LRRC4C: variants seen among roughly 807,000 people sequenced by gnomAD.
LRRC4C encodes leucine rich repeat containing 4C.
In LRRC4C, 5 loss-of-function variants were observed where a neutral mutation model predicts 33.6. The ratio of observed to expected loss-of-function variants is 0.15; its 90% CI spans 0.08 to 0.31. The LOEUF is 0.31. Ranked by LOEUF, LRRC4C falls within the 10% of genes least tolerant of loss-of-function variation. LRRC4C has a pLI of 1.00. For missense variants in LRRC4C, 560 were observed against 796.7 expected (o/e 0.70, Z 3.58); for synonymous variants, 329 against 302.0 (o/e 1.09, Z -0.93).
chr11:40,877,946 C>A (rs1954987049), intron 2 of LRRC4C, among the ~76,000 whole-genome samples: 1 of 152,074 alleles, frequency 6.6e-6, no homozygotes, highest in Admixed American at 6.6e-5. Context: ...TTTAAGTAGG[C>A]CTCTTGGTAT....
At chr11:40,699,136 CG>C (rs1945734852) in intron 2 of LRRC4C, among the ~76,000 whole-genome samples, 1 of 152,130 alleles carries the variant, frequency 6.6e-6, no homozygotes, top group East Asian at 1.9e-4. Flanking sequence ...TACCTAAATC[CG>C]TTCATTACAA....
At chr11:41,352,582 C>T (rs945671546) in intron 1 of LRRC4C, among the ~76,000 whole-genome samples, 1 of 152,092 alleles carries the variant, frequency 6.6e-6, no homozygotes. Context: ...TTCTAATCTT[C>T]CCATGGCATA....
chr11:40,903,108 C>A (rs557939675), intron 2 of LRRC4C, among the ~76,000 whole-genome samples: 1 of 152,228 alleles, frequency 6.6e-6, no homozygotes, highest in Non-Finnish European at 1.5e-5. Flanking sequence ...GACTGACTCT[C>A]TTGTAACAGG....
chr11:40,133,593 A>G (rs1856791160), intron 6 of LRRC4C, among the ~76,000 whole-genome samples: 1 of 152,196 alleles, frequency 6.6e-6, no homozygotes, highest in Admixed American at 6.5e-5. Context: ...AGGGAACTCC[A>G]ATTCAGTAAC....
At chr11:41,124,178 CAT>C (rs1942621691) in intron 1 of LRRC4C, among the ~76,000 whole-genome samples, 1 of 152,158 alleles carries the variant, frequency 6.6e-6, no homozygotes, top group African/African-American at 2.4e-5. Flanking sequence ...TGCTTGAACA[CAT>C]GTTATTTTAC....
intron 5 of LRRC4C, among the ~76,000 whole-genome samples, chr11:40,147,344 A>C (rs1423453773): frequency 6.6e-6 from 1 of 151,992 alleles, no homozygotes; most frequent in Non-Finnish European, 1.5e-5. Flanking sequence ...TTTATTTCAG[A>C]TCTCTTACAG....
At chr11:40,518,589 A>G (rs1418905551) in intron 3 of LRRC4C, among the ~76,000 whole-genome samples, 1 of 152,246 alleles carries the variant, frequency 6.6e-6, no homozygotes, top group Admixed American at 6.5e-5. Flanking sequence ...AATCATTAAA[A>G]TGTCAGGAAA....
intron 2 of LRRC4C, among the ~76,000 whole-genome samples, chr11:40,887,208 T>A (rs796745627): frequency 6.6e-6 from 1 of 150,608 alleles, no homozygotes. Context: ...CTAATACACA[T>A]AAAAAAAAGA....
chr11:41,289,016 G>T (rs1949916636), intron 1 of LRRC4C, among the ~76,000 whole-genome samples: 3 of 151,762 alleles, frequency 2.0e-5, no homozygotes, highest in Non-Finnish European at 2.9e-5. Context: ...GATCATAATT[G>T]TACCTGCAAA....
At chr11:40,351,919 T>A (rs1203216158) in intron 3 of LRRC4C, among the ~76,000 whole-genome samples, 1 of 152,082 alleles carries the variant, frequency 6.6e-6, no homozygotes, top group Non-Finnish European at 1.5e-5. Flanking sequence ...CCTTTATAGA[T>A]GTTACAGGTG....
intron 1 of LRRC4C, among the ~76,000 whole-genome samples, chr11:40,995,036 A>C (rs1330698622): frequency 6.6e-6 from 1 of 152,130 alleles, no homozygotes; most frequent in Non-Finnish European, 1.5e-5. Context: ...ATGATTTGGA[A>C]GTCTTTGTTG....
chr11:40,633,407 T>TTTTGACAGAGTCTCACTC, intron 3 of LRRC4C, among the ~76,000 whole-genome samples: 1 of 96,836 alleles, frequency 1.0e-5, no homozygotes, highest in African/African-American at 3.0e-5. Flanking sequence ...TTTTTTTTTT[T>TTTTGACAGAGTCTCACTC]TGACAGAGTC....
chr11:40,165,524 A>C (rs2135389111), intron 5 of LRRC4C, among the ~76,000 whole-genome samples: 1 of 152,370 alleles, frequency 6.6e-6, no homozygotes, highest in Admixed American at 6.5e-5. Flanking sequence ...AAAAACAACG[A>C]CAAAAAATCC....
At chr11:40,714,395 A>G (rs963738999) in intron 2 of LRRC4C, among the ~76,000 whole-genome samples, 1 of 152,188 alleles carries the variant, frequency 6.6e-6, no homozygotes, top group African/African-American at 2.4e-5. Context: ...CTATTTCTTA[A>G]TTATCTCACA....
At chr11:40,870,423 G>T (rs1954580389) in intron 2 of LRRC4C, among the ~76,000 whole-genome samples, 1 of 152,064 alleles carries the variant, frequency 6.6e-6, no homozygotes, top group Non-Finnish European at 1.5e-5. Flanking sequence ...TTGAATACAA[G>T]TTCAACTTTC....
intron 2 of LRRC4C, among the ~76,000 whole-genome samples, chr11:40,914,370 C>T (rs549420442): frequency 1.3e-5 from 2 of 152,296 alleles, no homozygotes; most frequent in African/African-American, 4.8e-5. Flanking sequence ...GGCTTCATCC[C>T]TGGGATGCAA....
At chr11:40,739,954 A>G (rs1948082177) in intron 2 of LRRC4C, among the ~76,000 whole-genome samples, 1 of 151,944 alleles carries the variant, frequency 6.6e-6, no homozygotes, top group East Asian at 1.9e-4. Flanking sequence ...ACGATTATAT[A>G]TTTGTATAAT....
chr11:40,588,056 A>T (rs919098895), intron 3 of LRRC4C, among the ~76,000 whole-genome samples: 14 of 152,006 alleles, frequency 9.2e-5, no homozygotes, highest in Non-Finnish European at 1.5e-4. Context: ...GAATGGTACC[A>T]GTTCCTCCTT....
At position 40,231,100 on chromosome 11, in the gene LRRC4C, C is replaced by T. The variant is rs113277542; in HGVS notation, c.-96+10419G>A. Among the ~76,000 whole-genome samples the T allele has an allele frequency of 5.3e-5, 8 of 152,220 alleles. 2 individuals carry two copies. The highest frequency in any genetic ancestry group is 1.9e-4 in the African/African-American group (8 of 41,546). On this transcript the variant is annotated intron_variant, in intron 5 of 6. Transcript: ENST00000528697. The stretch of plus-strand genomic sequence containing the variant: ...AGAACTTCATGGCTGGGCGTAGTGG[C>T]ACATGCTTGTAGTCCCAGCAACTCT...
Sources: allele counts gnomAD v4.1 joint callset (sites outside exome capture counted in the v4.1 genomes callset), GRCh38; gene constraint gnomAD v4.1.1; transcripts MANE v1.5; gene names NCBI Gene and HGNC (gene_info 2026-07-23, HGNC 2026-07-21).